The following GPR26 variants were observed in gnomAD, a reference collection of about 807,000 sequenced individuals.
GPR26 encodes G protein-coupled receptor 26.
GPR26 carries 15 observed loss-of-function variants against 23.1 expected under a neutral mutation model. That is an observed-to-expected ratio of 0.65 (90% CI 0.43 to 1.00). The LOEUF (loss-of-function observed/expected upper bound fraction) is 1.00, where lower values mean the gene tolerates loss of function less well. Ranked by LOEUF, GPR26 falls within the 50% of genes least tolerant of loss-of-function variation. The pLI, the probability that GPR26 is intolerant of heterozygous loss-of-function variation, is 0.00. For missense variants in GPR26, 359 were observed against 470.5 expected (o/e 0.76, Z 2.19); for synonymous variants, 228 against 222.1 (o/e 1.03, Z -0.24).
At chr10:123,675,833 C>CATGTGTGTGTGTACGTGTGTGT (rs71281364) in intron 2 of GPR26, among the ~76,000 whole-genome samples, 1 of 134,096 alleles carries the variant, frequency 7.5e-6, no homozygotes, top group Admixed American at 7.5e-5. Flanking sequence ...TGTGTGTGTA[C>CATGTGTGTGTGTACGTGTGTGT]GTGTGTGTGT....
intron 2 of GPR26, among the ~76,000 whole-genome samples, chr10:123,687,296 T>C (rs944831155): frequency 1.3e-5 from 2 of 152,230 alleles, no homozygotes; most frequent in Non-Finnish European, 2.9e-5. Context: ...TTCAAAATTG[T>C]TCTGAGCCCT....
intron 2 of GPR26, among the ~76,000 whole-genome samples, chr10:123,687,637 G>C (rs983216223): frequency 6.9e-6 from 1 of 145,278 alleles, no homozygotes; most frequent in Non-Finnish European, 1.5e-5. Context: ...AACCTCCTGG[G>C]ACATCTGTTT....
At chr10:123,671,490 A>C (rs1410494986) in intron 1 of GPR26, among the ~76,000 whole-genome samples, 1 of 151,772 alleles carries the variant, frequency 6.6e-6, no homozygotes, top group East Asian at 1.9e-4. Context: ...TGTCTCAAGG[A>C]AACTGTCATG....
rs982182460 is a variant in GPR26, at chr10:123,690,188, C to G, written c.*2028C>G. 5 of 152,168 alleles carry G rather than the reference C, an allele frequency of 3.3e-5. No individual in the cohort carries two copies. The highest frequency in any genetic ancestry group is 1.2e-4 in the African/African-American group (5 of 41,442). The allele number at this position is 152,168 out of a possible 1,614,324, so 9.4% of individuals were successfully genotyped here. ...ACATTTGCTTCCTGGTGGCAAGTAA[C>G]TGTGCACCCTCCAACATCCCAACCC... On this transcript the variant is annotated 3_prime_UTR_variant, in exon 3 of 3. Transcript: ENST00000284674.
At chr10:123,675,240 G>T (rs1224040606) in intron 2 of GPR26, among the ~76,000 whole-genome samples, 2 of 152,120 alleles carry the variant, frequency 1.3e-5, no homozygotes, top group African/African-American at 4.8e-5. Context: ...GAAGGAGAGG[G>T]TGAGAGAAGA....
intron 1 of GPR26, among the ~76,000 whole-genome samples, chr10:123,671,942 ATGT>A (rs1845256857): frequency 6.6e-6 from 1 of 152,148 alleles, no homozygotes; most frequent in Non-Finnish European, 1.5e-5. Flanking sequence ...GTGCAAAGTG[ATGT>A]TGTTCTGGGA....
Position 123,693,746 on chromosome 10 carries a change from G to A in GPR26, c.*5586G>A, listed in dbSNP as rs1845513919. On this transcript the variant is annotated 3_prime_UTR_variant, in exon 3 of 3. Coordinates refer to ENST00000284674, the MANE Select transcript of GPR26 (RefSeq NM_153442.4). Reference sequence around the variant, plus strand: ...TCCTCACACCTCATTCCACAAATGCGGAGTGAAAGAGCAGGAGCCAGACAC... The same window carrying A: ...TCCTCACACCTCATTCCACAAATGCAGAGTGAAAGAGCAGGAGCCAGACAC... 1 of 152,220 alleles carries A rather than the reference G, an allele frequency of 6.6e-6. No individual in the cohort carries two copies. 9.4% of individuals were successfully genotyped at this position (152,220 alleles called of 1,614,324 possible).
rs745497031 is a variant in GPR26, at chr10:123,674,855, C to T, written c.706C>T (p.Arg236Ter). The T allele has an allele frequency of 9.3e-6, 15 of 1,613,014 alleles. No individual in the cohort carries two copies. The highest frequency in any genetic ancestry group is 2.7e-5 in the African/African-American group (2 of 74,752). The change falls in exon 2 of 3, where the codon CGA becomes TGA. Residue 236 changes from arginine to a stop codon, truncating the protein, a stop_gained. Coordinates refer to ENST00000284674, the MANE Select transcript of GPR26 (RefSeq NM_153442.4). LOFTEE classifies it high-confidence loss of function. The surrounding 1 kb of genome is among the most constrained non-coding windows in gnomAD (Gnocchi z 4.1). ...ERCLEEQKRR[R>*]QRATKKISTF... The stretch of plus-strand genomic sequence containing the variant: ...CTGTCTGGAGGAGCAGAAGCGGAGG[C>T]GACAGCGAGCCACCAAGAAGATCAG...
In GPR26 at chr10:123,688,053, A is replaced by C; in HGVS notation, c.907A>C (p.Lys303Gln). 6.2e-7 allele frequency: 1 copy of C among 1,614,072 alleles called. No homozygotes were observed. The highest frequency in any genetic ancestry group is 8.5e-7 in the Non-Finnish European group (1 of 1,179,962). ...CTCCTTACTGCGACACCAGTACCGC[A>C]AAAGCTGCAAGGAGATTCTGAACAG... ...VYSLLRHQYR[K>Q]SCKEILNRLL... The change falls in exon 3 of 3, where the codon AAA becomes CAA. Residue 303 changes from lysine to glutamine, a missense_variant. Transcript: ENST00000284674.
Position 123,675,833 on chromosome 10 carries a change from C to CGTGTGTGTGTGTGTGTGTGTGTGTGT in GPR26, c.782+924_782+925insGTGTGTGTGTGTGTGTGTGTGTGTGT, listed in dbSNP as rs56201657. Among the ~76,000 whole-genome samples the CGTGTGTGTGTGTGTGTGTGTGTGTGT allele has an allele frequency of 2.2e-3, 289 of 134,160 alleles. 4 individuals are homozygous for CGTGTGTGTGTGTGTGTGTGTGTGTGT. Among genetic ancestry groups the CGTGTGTGTGTGTGTGTGTGTGTGTGT allele is most frequent in the Middle Eastern group, 3.7e-3 (1 of 270 alleles). The allele number at this position is 134,160 out of a possible 152,430, so 88.0% of individuals were successfully genotyped here. On this transcript the variant is annotated intron_variant, in intron 2 of 2. Transcript: ENST00000284674. Reference sequence around the variant, plus strand: ...GTGTGTGTGTACGTGTGTGTGTGTACGTGTGTGTGTGTGTGTGTGTGTAAG... The same window carrying CGTGTGTGTGTGTGTGTGTGTGTGTGT: ...GTGTGTGTGTACGTGTGTGTGTGTACGTGTGTGTGTGTGTGTGTGTGTGTGTGTGTGTGTGTGTGTGTGTGTGTAAG...
At position 123,696,984 on chromosome 10, in the gene GPR26, C is replaced by T. The variant is rs968067769; in HGVS notation, c.*8824C>T. ...GCATATGGGTGAATGTTTGTGTGCC[C>T]GTGATTATATGCATGTGGGTGAATG... On this transcript the variant is annotated 3_prime_UTR_variant, in exon 3 of 3. Transcript: ENST00000284674. 3.3e-5 allele frequency among the ~76,000 whole-genome samples: 5 copies of T among 152,044 alleles called. No homozygotes were observed. Among genetic ancestry groups the T allele is most frequent in the South Asian group, 2.1e-4 (1 of 4,826 alleles).
chr10:123,686,885 A>T (rs1845435796), intron 2 of GPR26, among the ~76,000 whole-genome samples: 1 of 152,120 alleles, frequency 6.6e-6, no homozygotes, highest in African/African-American at 2.4e-5. Context: ...CAGTGGGTGG[A>T]GGAGACAGTG....
In GPR26 at chr10:123,687,561, C is replaced by A. The variant is rs1845441957; in HGVS notation, c.783-368C>A. ...CTCAGTGCAGCTTGGATTTCAGAGT[C>A]AGACGGACCTAGGTTCAAATTCTGC... On this transcript the variant is annotated intron_variant, in intron 2 of 2. Coordinates refer to ENST00000284674, the MANE Select transcript of GPR26 (RefSeq NM_153442.4). 2.0e-5 allele frequency among the ~76,000 whole-genome samples: 3 copies of A among 152,174 alleles called. No individual in the cohort carries two copies. In the South Asian group the frequency reaches 6.2e-4, roughly 31 times the overall value.
intron 2 of GPR26, among the ~76,000 whole-genome samples, chr10:123,678,191 G>A (rs1845330292): frequency 6.6e-6 from 1 of 152,156 alleles, no homozygotes; most frequent in Non-Finnish European, 1.5e-5. Context: ...CTATTCACTA[G>A]CGGAACATTT....
chr10:123,681,639 C>T (rs891300145), intron 2 of GPR26, among the ~76,000 whole-genome samples: 21 of 152,176 alleles, frequency 1.4e-4, no homozygotes, highest in African/African-American at 4.8e-5. Flanking sequence ...ATCTGCCACC[C>T]CTTTGAGTTG....
intron 2 of GPR26, among the ~76,000 whole-genome samples, chr10:123,684,506 G>A (rs980324562): frequency 1.3e-5 from 2 of 152,202 alleles, no homozygotes; most frequent in African/African-American, 4.8e-5. Context: ...AACACAGAAA[G>A]ACCTCTCACA....
Position 123,691,863 on chromosome 10 carries a change from C to T in GPR26, c.*3703C>T, listed in dbSNP as rs1380906935. ...GTTTCCGCACTTTTAATCATCGATG[C>T]CCAGGTAACTGATAGGAGTTTTCTT... On this transcript the variant is annotated 3_prime_UTR_variant, in exon 3 of 3. Transcript: ENST00000284674. The T allele has an allele frequency of 1.3e-5, 2 of 152,158 alleles. No individual in the cohort carries two copies. The highest frequency in any genetic ancestry group is 4.8e-5 in the African/African-American group (2 of 41,416). The allele number at this position is 152,158 out of a possible 1,614,324, so 9.4% of individuals were successfully genotyped here. A position where few individuals can be genotyped will look rare whatever the true frequency, so the allele number is the denominator to read the frequency against.
intron 2 of GPR26, among the ~76,000 whole-genome samples, chr10:123,676,078 A>G (rs1337297138): frequency 6.6e-6 from 1 of 151,666 alleles, no homozygotes; most frequent in Non-Finnish European, 1.5e-5. Flanking sequence ...CGCTGCTCCC[A>G]GTTCTTCTTT....
intron 2 of GPR26, among the ~76,000 whole-genome samples, chr10:123,675,833 C>CGTGTGTGTGTGTGTACGTGTGT (rs1845303043): frequency 1.5e-5 from 2 of 134,096 alleles, no homozygotes; most frequent in African/African-American, 2.8e-5. Flanking sequence ...TGTGTGTGTA[C>CGTGTGTGTGTGTGTACGTGTGT]GTGTGTGTGT....
Sources: gnomAD v4.1 joint callset for allele counts (sites outside exome capture counted in the v4.1 genomes callset) on GRCh38, gnomAD v4.1.1 for gene constraint, Gnocchi (gnomAD v3.1) non-coding constraint, MANE v1.5 for transcripts, NCBI Gene and HGNC (gene_info 2026-07-23, HGNC 2026-07-21) for gene names.